ULK4: variants seen among roughly 807,000 people sequenced by gnomAD.
The protein encoded by ULK4 is inactive serine/threonine-protein kinase ULK4.
ULK4 carries 133 observed loss-of-function variants against 160.6 expected under a neutral mutation model. The observed-to-expected ratio is 0.83, with a 90% confidence interval of 0.72 to 0.96. ULK4 has a LOEUF of 0.96. Among genes scored for constraint, ULK4 ranks in the 40% least tolerant of loss-of-function variants. ULK4 has a pLI of 0.00. For synonymous variants in ULK4, 534 were observed against 539.8 expected, an observed-to-expected ratio of 0.99 and a Z score of 0.15; for missense variants, 1,580 against 1,499.5, an observed-to-expected ratio of 1.05 and a Z score of -0.89.
At chr3:41,846,293 T>C (rs1359030505) in intron 17 of ULK4, among the ~76,000 whole-genome samples, 1 of 152,058 alleles carries the variant, frequency 6.6e-6, no homozygotes, top group Non-Finnish European at 1.5e-5. Flanking sequence ...AAAGAACAAA[T>C]ATAACACATA....
At chr3:41,277,449 T>C (rs541652169) in intron 35 of ULK4, among the ~76,000 whole-genome samples, 6 of 152,186 alleles carry the variant, frequency 3.9e-5, no homozygotes, top group African/African-American at 7.2e-5. Flanking sequence ...GCTTAACATA[T>C]GCAAGTCAAT....
Position 41,384,040 on chromosome 3 carries a change from T to A in ULK4, c.3678+14039A>T, listed in dbSNP as rs370689794. Among the ~76,000 whole-genome samples, 24 of 152,292 alleles carry A rather than the reference T, an allele frequency of 1.6e-4. No individual in the cohort carries two copies. The South Asian group carries it at 4.6e-3, about 29-fold the overall frequency. ...GAGAATATTCACAGAGTTCCATGTA[T>A]CTCTCCAAGCATGCCTTAGTGATTG... On this transcript the variant is annotated intron_variant, in intron 35 of 36. Coordinates refer to ENST00000301831, the MANE Select transcript of ULK4 (RefSeq NM_017886.4).
chr3:41,702,293 T>C (rs956531302), intron 27 of ULK4, among the ~76,000 whole-genome samples: 1 of 151,936 alleles, frequency 6.6e-6, no homozygotes, highest in Non-Finnish European at 1.5e-5. Flanking sequence ...TACAGGCAAG[T>C]GCCACCACAT....
At chr3:41,486,071 A>C (rs1284953625) in intron 32 of ULK4, among the ~76,000 whole-genome samples, 1 of 152,100 alleles carries the variant, frequency 6.6e-6, no homozygotes, top group African/African-American at 2.4e-5. Flanking sequence ...CTCCCTGAAC[A>C]TTCCTTTCCA....
intron 22 of ULK4, among the ~76,000 whole-genome samples, chr3:41,720,021 T>C (rs1278850073): frequency 3.3e-5 from 5 of 152,160 alleles, no homozygotes; most frequent in Admixed American, 1.3e-4. Flanking sequence ...TAAATTCATA[T>C]GCATATTTCA....
intron 35 of ULK4, among the ~76,000 whole-genome samples, chr3:41,317,982 T>C (rs2080177466): frequency 6.6e-6 from 1 of 152,224 alleles, no homozygotes; most frequent in Non-Finnish European, 1.5e-5. Flanking sequence ...CTCCCTCCTC[T>C]TGGCAGTGCC....
At chr3:41,408,542 G>C (rs971576414) in intron 34 of ULK4, among the ~76,000 whole-genome samples, 1 of 151,234 alleles carries the variant, frequency 6.6e-6, no homozygotes, top group East Asian at 1.9e-4. Flanking sequence ...ACTCAAAATC[G>C]ATCTATAGAT....
intron 32 of ULK4, among the ~76,000 whole-genome samples, chr3:41,529,675 T>C (rs1046810465): frequency 6.6e-6 from 1 of 152,174 alleles, no homozygotes; most frequent in Non-Finnish European, 1.5e-5. Flanking sequence ...ATATTTTTAG[T>C]AGAGGCAGGG....
chr3:41,918,530 T>C lies in ULK4; in HGVS notation c.654A>G (p.Pro218=). The change falls in exon 7 of 37, where the codon CCA becomes CCG. Residue 218 remains proline (P), a synonymous_variant. Transcript: ENST00000301831. The part of the protein sequence containing the change: ...LLYEMFSGKP[P]FFSESISELT... ...ATTCTGAAATACTTTCTGAGAAGAA[T>C]GGAGGTTTTCCTGAAATCACATGAA... is the stretch of plus-strand genomic sequence containing the variant. 1.3e-6 allele frequency: 2 copies of C among 1,572,850 alleles called. No individual in the cohort carries two copies. The highest frequency in any genetic ancestry group is 1.7e-6 in the Non-Finnish European group (2 of 1,160,940).
chr3:41,580,730 G>A (rs907886365), intron 31 of ULK4, among the ~76,000 whole-genome samples: 2 of 152,136 alleles, frequency 1.3e-5, no homozygotes, highest in African/African-American at 2.4e-5. Flanking sequence ...CTGGGAGCCC[G>A]ACCCAGAAGC....
chr3:41,906,988 T>A (rs1193210118), intron 12 of ULK4, among the ~76,000 whole-genome samples: 1 of 151,118 alleles, frequency 6.6e-6, no homozygotes, highest in Non-Finnish European at 1.5e-5. Context: ...CAAGACTGTC[T>A]CCAAAAAAAA....
chr3:41,793,989 A>G (rs2040221957), intron 20 of ULK4, among the ~76,000 whole-genome samples: 1 of 152,202 alleles, frequency 6.6e-6, no homozygotes. Context: ...ATCACCTGGA[A>G]GCATGTTAAA....
chr3:41,689,548 A>G (rs1203574006), intron 27 of ULK4, among the ~76,000 whole-genome samples: 3 of 152,194 alleles, frequency 2.0e-5, no homozygotes, highest in East Asian at 3.8e-4. Flanking sequence ...TCATCTGACA[A>G]AGGGCTAATA....
At chr3:41,688,549 G>T (rs1384691692) in intron 27 of ULK4, among the ~76,000 whole-genome samples, 1 of 152,080 alleles carries the variant, frequency 6.6e-6, no homozygotes, top group East Asian at 1.9e-4. Flanking sequence ...TTTTTTAAAA[G>T]ATTTGAACTT....
intron 35 of ULK4, among the ~76,000 whole-genome samples, chr3:41,353,860 C>T (rs1053999217): frequency 2.6e-5 from 4 of 151,938 alleles, no homozygotes; most frequent in African/African-American, 7.3e-5. Flanking sequence ...GATGCCTCAC[C>T]ATCCCTTCCT....
chr3:41,850,866 G>C (rs2042194661), intron 17 of ULK4, among the ~76,000 whole-genome samples: 1 of 152,264 alleles, frequency 6.6e-6, no homozygotes, highest in South Asian at 2.1e-4. Context: ...TGGTGTCCTA[G>C]ACATGAAGTC....
At chr3:41,504,324 CTTTG>C (rs1362715649) in intron 32 of ULK4, among the ~76,000 whole-genome samples, 1 of 152,070 alleles carries the variant, frequency 6.6e-6, no homozygotes, top group Non-Finnish European at 1.5e-5. Flanking sequence ...AGATAGGGGC[CTTTG>C]TTTGTTTTAT....
At chr3:41,838,057 G>A (rs1159709522) in intron 17 of ULK4, among the ~76,000 whole-genome samples, 1 of 152,146 alleles carries the variant, frequency 6.6e-6, no homozygotes, top group African/African-American at 2.4e-5. Context: ...GACCTTTGCT[G>A]ATCATCTACT....
chr3:41,453,571 C>G (rs2125869357), intron 34 of ULK4, among the ~76,000 whole-genome samples: 1 of 152,276 alleles, frequency 6.6e-6, no homozygotes, highest in Admixed American at 6.5e-5. Context: ...ATCTCATTAG[C>G]ATTACTAACT....
Sources: allele counts gnomAD v4.1 joint callset (sites outside exome capture counted in the v4.1 genomes callset), GRCh38; gene constraint gnomAD v4.1.1; transcripts MANE v1.5; gene names NCBI Gene and HGNC (gene_info 2026-07-23, HGNC 2026-07-21).